The following TNNI1 variants were observed in gnomAD, a reference collection of about 807,000 sequenced individuals.
The protein encoded by TNNI1 is troponin I, slow skeletal muscle.
TNNI1 carries 14 observed loss-of-function variants against 26.7 expected under a neutral mutation model. That is an observed-to-expected ratio of 0.52 (90% CI 0.35 to 0.82). The LOEUF (loss-of-function observed/expected upper bound fraction) is 0.82. Ranked by LOEUF, TNNI1 falls within the 40% of genes least tolerant of loss-of-function variation. The pLI, the probability that TNNI1 is intolerant of heterozygous loss-of-function variation, is 0.01. For missense variants in TNNI1, 164 were observed against 257.0 expected, an observed-to-expected ratio of 0.64 and a Z score of 2.47; for synonymous variants, 79 against 98.2, an observed-to-expected ratio of 0.80 and a Z score of 1.16.
intron 4 of TNNI1, 35 bp downstream of exon 4, chr1:201,415,178 C>T: frequency 6.3e-7 from 1 of 1,592,484 alleles, no homozygotes; most frequent in South Asian, 1.1e-5. Context: ...CTGCCTCCCA[C>T]TGGGCATCCC....
In TNNI1 at chr1:201,406,357, A is replaced by C. The variant is rs1475028116; in HGVS notation, c.*2896T>G. ...CTATTATTGAAATGCTGTTATTAAA[A>C]TAGTCGATAAGAGTATGGATTCTAA... On this transcript the variant is annotated 3_prime_UTR_variant, in exon 9 of 9. Transcript: ENST00000361379. 1 of 152,220 alleles carries C rather than the reference A, an allele frequency of 6.6e-6. No individual in the cohort carries two copies. The highest frequency in any genetic ancestry group is 6.5e-5 in the Admixed American group (1 of 15,288). The allele number at this position is 152,220 out of a possible 1,614,324, so 9.4% of individuals were successfully genotyped here.
At chr1:201,413,223 A>T (rs1365509257) in intron 5 of TNNI1, 102 bp from the exon 6 acceptor site, 13 of 1,310,850 alleles carry the variant, frequency 9.9e-6, no homozygotes, top group Non-Finnish European at 1.4e-5. Context: ...AAGACCTGGG[A>T]TCCAGAGAGG....
intron 1 of TNNI1, among the ~76,000 whole-genome samples, chr1:201,419,690 C>T (rs944152811): frequency 6.6e-6 from 1 of 152,210 alleles, no homozygotes; most frequent in Non-Finnish European, 1.5e-5. Flanking sequence ...CCCCAATGAA[C>T]ACAGCTTTGG....
In TNNI1 at chr1:201,415,266, AAG is replaced by A. The variant is rs754323359; in HGVS notation, c.16-14_16-13del. On this transcript the variant is annotated splice_polypyrimidine_tract_variant and intron_variant, in intron 3 of 8. Coordinates refer to ENST00000361379, the MANE Select transcript of TNNI1 (RefSeq NM_003281.4). ...ATCTTGGGTTTTCTCTGTGGGCAAGAAGAGAGAGAGACAGGTGGTGAGGCAGA... is the reference window on the plus strand; with the variant it reads ...ATCTTGGGTTTTCTCTGTGGGCAAGAAGAGAGAGACAGGTGGTGAGGCAGA... The A allele has an allele frequency of 6.2e-7, 1 of 1,613,908 alleles. No homozygotes were observed. The highest frequency in any genetic ancestry group is 1.1e-5 in the South Asian group (1 of 91,030).
chr1:201,409,922 G>C (rs765046986), intron 8 of TNNI1: 5 of 161,754 alleles, frequency 3.1e-5, no homozygotes, highest in African/African-American at 4.8e-5. Context: ...CTCTAACCTA[G>C]TGGTTCTCAA....
chr1:201,420,205 C>T (rs879708224), intron 1 of TNNI1, among the ~76,000 whole-genome samples: 2 of 152,262 alleles, frequency 1.3e-5, no homozygotes, highest in Non-Finnish European at 2.9e-5. Context: ...GGGGCCTGCC[C>T]CCAGCCTGCC....
chr1:201,408,966 C>CCTA lies in TNNI1; in HGVS notation c.*286_*287insTAG, dbSNP rs1662581063. ...GGCTGGAGGAAAGGTGTTCTCACCCCCTCCTCCTCCTCCACTTGTTACACC... is the reference window on the plus strand; with the variant it reads ...GGCTGGAGGAAAGGTGTTCTCACCCCCTACTCCTCCTCCTCCACTTGTTACACC... On this transcript the variant is annotated 3_prime_UTR_variant, in exon 9 of 9. Transcript: ENST00000361379. 1 of 152,174 alleles carries CCTA rather than the reference C, an allele frequency of 6.6e-6. No homozygotes were observed. Among genetic ancestry groups the CCTA allele is most frequent in the African/African-American group, 2.4e-5 (1 of 41,424 alleles). The allele number at this position is 152,174 out of a possible 1,614,324, so 9.4% of individuals were successfully genotyped here. A position where few individuals can be genotyped will look rare whatever the true frequency, so the allele number is the denominator to read the frequency against.
intron 4 of TNNI1, 39 bp from the exon 5 acceptor site, chr1:201,414,688 C>T (rs1453116277): frequency 6.3e-7 from 1 of 1,599,832 alleles, no homozygotes; most frequent in Middle Eastern, 1.7e-4. Flanking sequence ...GGCCTCACAT[C>T]TCCCACCCGG....
chr1:201,417,733 G>C, intron 2 of TNNI1, 50 bp downstream of exon 2: 1 of 1,311,394 alleles, frequency 7.6e-7, no homozygotes. Context: ...GAAGTCTGTG[G>C]CAAAGGGACT....
At position 201,404,806 on chromosome 1, in the gene TNNI1, A is replaced by C. The variant is rs1662484861; in HGVS notation, c.*4447T>G. ...GGACACACAGGTGTCTGTGACACTCAGGGCGGGCAGACAGGTCATCACCCT... is the reference window on the plus strand; with the variant it reads ...GGACACACAGGTGTCTGTGACACTCCGGGCGGGCAGACAGGTCATCACCCT... On this transcript the variant is annotated 3_prime_UTR_variant, in exon 9 of 9. Transcript: ENST00000361379. The C allele has an allele frequency of 6.6e-6, 1 of 152,306 alleles. No homozygotes were observed. The highest frequency in any genetic ancestry group is 1.5e-5 in the Non-Finnish European group (1 of 68,060). The allele number at this position is 152,306 out of a possible 1,614,324, so 9.4% of individuals were successfully genotyped here. A position where few individuals can be genotyped will look rare whatever the true frequency, so the allele number is the denominator to read the frequency against.
rs1456677661 is a variant in TNNI1 at position 201,404,545 on chromosome 1, T to C, written c.*4708A>G. Reference sequence around the variant, plus strand: ...GTGAAGTAAGAGCATTAGAAAACAATTGCCACCTACTGTCCTCCTATTCCA... The same window carrying C: ...GTGAAGTAAGAGCATTAGAAAACAACTGCCACCTACTGTCCTCCTATTCCA... On this transcript the variant is annotated 3_prime_UTR_variant, in exon 9 of 9. Transcript: ENST00000361379. The C allele has an allele frequency of 6.6e-6, 1 of 152,192 alleles. No individual in the cohort carries two copies. The highest frequency in any genetic ancestry group is 6.5e-5 in the Admixed American group (1 of 15,284). 9.4% of individuals were successfully genotyped at this position (152,192 alleles called of 1,614,324 possible).
chr1:201,411,404 C>T lies in TNNI1; in HGVS notation c.409G>A (p.Asp137Asn). 6.2e-7 allele frequency: 1 copy of T among 1,613,982 alleles called. No homozygotes were observed. Among genetic ancestry groups the T allele is most frequent in the Non-Finnish European group, 8.5e-7 (1 of 1,179,958 alleles). ...ACAGACTTGAGGTTGGCCCGCAGATCCATGGACACCTTGTGCTTGGAGCCC... is the reference window on the plus strand; with the variant it reads ...ACAGACTTGAGGTTGGCCCGCAGATTCATGGACACCTTGTGCTTGGAGCCC... ...LLGSKHKVSM[D>N]LRANLKSVKK... The change falls in exon 7 of 9, where the codon GAT becomes AAT. Residue 137 changes from aspartate to asparagine, a missense_variant. Asp to Asn is a conservative substitution (Grantham distance 23). Transcript: ENST00000361379. This position sits in a 1 kb window ranked among gnomAD's most constrained non-coding sequence, Gnocchi z 4.6.
intron 3 of TNNI1, among the ~76,000 whole-genome samples, chr1:201,416,711 C>G (rs528553575): frequency 2.6e-4 from 39 of 152,354 alleles, no homozygotes. Flanking sequence ...TGGAATAACC[C>G]AATGACTATC....
Position 201,407,234 on chromosome 1 carries a change from A to T in TNNI1, c.*2019T>A, listed in dbSNP as rs41270949. On this transcript the variant is annotated 3_prime_UTR_variant, in exon 9 of 9. Transcript: ENST00000361379. ...GGGTTTCTGTGGCTGCCTGGGCATG[A>T]AGGCATGAAGCCTAACCCCATCCTC... 0.021 allele frequency: 3,141 copies of T among 152,370 alleles called. 59 individuals are homozygous for T. Among genetic ancestry groups the T allele is most frequent in the East Asian group, 0.077 (400 of 5,172 alleles). The allele number at this position is 152,370 out of a possible 1,614,324, so 9.4% of individuals were successfully genotyped here.
chr1:201,413,206 C>A (rs1662668432), intron 5 of TNNI1, 85 bp from the exon 6 acceptor site: 2 of 1,476,092 alleles, frequency 1.4e-6, no homozygotes, highest in Non-Finnish European at 9.4e-7. Flanking sequence ...CTCCCCAGCC[C>A]CTTTGCAAGA....
intron 3 of TNNI1, among the ~76,000 whole-genome samples, chr1:201,416,354 C>T (rs1343323944): frequency 6.6e-5 from 10 of 152,314 alleles, no homozygotes; most frequent in Middle Eastern, 6.8e-3. Flanking sequence ...CTTGGTGAGC[C>T]GATGGCCACC....
chr1:201,409,222 G>C lies in TNNI1; in HGVS notation c.*31C>G, dbSNP rs1261261243. ...GGGTTGGAGAAGAAGCATGAAGCAG[G>C]AGCTCAGAGCGCAGCACAGCAAGCT... On this transcript the variant is annotated 3_prime_UTR_variant, in exon 9 of 9. Coordinates refer to ENST00000361379, the MANE Select transcript of TNNI1 (RefSeq NM_003281.4). The C allele has an allele frequency of 6.6e-6, 1 of 152,328 alleles. No individual in the cohort carries two copies. Among genetic ancestry groups the C allele is most frequent in the Non-Finnish European group, 1.5e-5 (1 of 68,146 alleles). The allele number at this position is 152,328 out of a possible 1,614,324, so 9.4% of individuals were successfully genotyped here.
chr1:201,415,364 T>G, intron 3 of TNNI1, 110 bp from the exon 4 acceptor site: 1 of 1,149,942 alleles, frequency 8.7e-7, no homozygotes, highest in Non-Finnish European at 1.3e-6. Context: ...TTATCCGGAA[T>G]CCTCTGCTCA....
chr1:201,417,379 G>A (rs1477027437), intron 2 of TNNI1, among the ~76,000 whole-genome samples: 2 of 152,170 alleles, frequency 1.3e-5, no homozygotes, highest in Non-Finnish European at 2.9e-5. Context: ...CGTAAGTTGG[G>A]GACAAGTGGT....
Sources: gnomAD v4.1 joint callset for allele counts (sites outside exome capture counted in the v4.1 genomes callset) on GRCh38, gnomAD v4.1.1 for gene constraint, Gnocchi (gnomAD v3.1) non-coding constraint, MANE v1.5 for transcripts, NCBI Gene and HGNC (gene_info 2026-07-23, HGNC 2026-07-21) for gene names.